ZNF750: variants seen among roughly 807,000 people sequenced by gnomAD.
The protein encoded by ZNF750 is zinc finger protein 750.
A neutral mutation model predicts 31.6 loss-of-function variants in ZNF750; 10 were observed. That is an observed-to-expected ratio of 0.32 (90% CI 0.19 to 0.54). The LOEUF (loss-of-function observed/expected upper bound fraction) is 0.54, where lower values mean the gene tolerates loss of function less well. Ranked by LOEUF, ZNF750 falls within the 20% of genes least tolerant of loss-of-function variation. The probability of loss-of-function intolerance (pLI) is 0.95; values close to 1 mark genes in which losing one functional copy is unlikely to be tolerated. For synonymous variants in ZNF750, 400 were observed against 404.9 expected (o/e 0.99, Z 0.15); for missense variants, 914 against 934.9 (o/e 0.98, Z 0.29).
Position 82,831,152 on chromosome 17 carries a change from T to C in ZNF750, c.1303A>G (p.Asn435Asp). ...CCCAGTGCGCTGGAGGCTGCCTTGT[T>C]GGAGAGGTCGTACAGGCCTTCGCAG... ...QTCEGLYDLSNKAASSALGRL... is the reference protein window; with the variant it reads ...QTCEGLYDLSDKAASSALGRL... Residue 435 changes from asparagine to aspartate, a missense_variant, in exon 2 of 3, where the codon AAC becomes GAC. Around this residue, in one of 2 missense-constraint regions of ZNF750, gnomAD observed 880 missense variants for 868.9 expected, o/e 1.01. Coordinates refer to ENST00000269394, the MANE Select transcript of ZNF750 (RefSeq NM_024702.3). This position sits in a 1 kb window ranked among gnomAD's most constrained non-coding sequence, Gnocchi z 4.6. 6.2e-7 allele frequency: 1 copy of C among 1,614,120 alleles called. No homozygotes were observed. The highest frequency in any genetic ancestry group is 8.5e-7 in the Non-Finnish European group (1 of 1,180,030).
In ZNF750 at chr17:82,831,819, A is replaced by G. The variant is rs1015040159; in HGVS notation, c.636T>C (p.Pro212=). The G allele has an allele frequency of 3.1e-6, 5 of 1,614,062 alleles. No individual in the cohort carries two copies. In the East Asian group the frequency reaches 6.7e-5, roughly 22 times the overall value. The change falls in exon 2 of 3, where the codon CCT becomes CCC. Residue 212 remains proline (P), a synonymous_variant. Transcript: ENST00000269394. The surrounding 1 kb of genome is among the most constrained non-coding windows in gnomAD (Gnocchi z 4.6). ...TATGTGGAAACTCTGGTGGAAGGAA[A>G]GGTGAGCCGGCTTTCCAGGGGTAGC... The part of the protein sequence containing the change: ...TPGYPWKAGS[P]FLPPEFPHKI...
chr17:82,832,945 G>C lies in ZNF750; in HGVS notation c.-182-309C>G, dbSNP rs1448188233. 6.6e-6 allele frequency among the ~76,000 whole-genome samples: 1 copy of C among 152,176 alleles called. No homozygotes were observed. The highest frequency in any genetic ancestry group is 1.9e-4 in the East Asian group (1 of 5,192). ...GTTCTGAGAATGCCTGTAAGCCTTTGAGTTTTGGGAACTTTCATCCTGTGA... is the reference window on the plus strand; with the variant it reads ...GTTCTGAGAATGCCTGTAAGCCTTTCAGTTTTGGGAACTTTCATCCTGTGA... On this transcript the variant is annotated intron_variant, in intron 1 of 2. Coordinates refer to ENST00000269394, the MANE Select transcript of ZNF750 (RefSeq NM_024702.3). This position sits in a 1 kb window ranked among gnomAD's most constrained non-coding sequence, Gnocchi z 4.9.
In ZNF750 at chr17:82,831,601, AG is replaced by A; in HGVS notation, c.853del (p.Leu285CysfsTer81). 1 of 1,614,200 alleles carries A rather than the reference AG, an allele frequency of 6.2e-7. No individual in the cohort carries two copies. Among genetic ancestry groups the A allele is most frequent in the Non-Finnish European group, 8.5e-7 (1 of 1,180,030 alleles). ...CTTAGGGATCGGCCCCGGGTGAGGC[AG>A]GAAGTGTCTCGGGTCTTGGGTTCCG... ...VYGTQDPRHFLPHPGPIPKHL... is the reference protein window; with the variant it reads ...VYGTQDPRHFXPHPGPIPKHL... On this transcript the variant is annotated frameshift_variant, in exon 2 of 3. Transcript: ENST00000269394. LOFTEE classifies it high-confidence loss of function. The surrounding 1 kb of genome is among the most constrained non-coding windows in gnomAD (Gnocchi z 4.6).
rs750199690 is a variant in ZNF750, at chr17:82,831,033, T to A, written c.1422A>T (p.Ala474=). The change falls in exon 2 of 3, where the codon GCA becomes GCT. Residue 474 remains alanine (A), a synonymous_variant. Transcript: ENST00000269394. The surrounding 1 kb of genome is among the most constrained non-coding windows in gnomAD (Gnocchi z 4.6). ...CLPAQAAETT[A]ESPVSLNVVN... is the part of the protein sequence containing the mutation. ...CATTTTCTTACCTTACTGGAGACTC[T>A]GCTGTGGTCTCAGCAGCCTGGGCAG... is the stretch of plus-strand genomic sequence containing the variant. 5.0e-6 allele frequency: 8 copies of A among 1,614,182 alleles called. No homozygotes were observed. In the Admixed American group the frequency reaches 1.3e-4, roughly 27 times the overall value.
rs2053324854 is a variant in ZNF750, at chr17:82,829,929, C to T, written c.*213G>A. 1 of 760,008 alleles carries T rather than the reference C, an allele frequency of 1.3e-6. No individual in the cohort carries two copies. Among genetic ancestry groups the T allele is most frequent in the Non-Finnish European group, 2.1e-6 (1 of 484,806 alleles). 47.1% of individuals were successfully genotyped at this position (760,008 alleles called of 1,614,324 possible). A position where few individuals can be genotyped will look rare whatever the true frequency, so the allele number is the denominator to read the frequency against. ...TCTTAGAGTCATTCAGGTGTTTTTACAACCAAAAGTAGAAGCACCTTTTAA... is the reference window on the plus strand; with the variant it reads ...TCTTAGAGTCATTCAGGTGTTTTTATAACCAAAAGTAGAAGCACCTTTTAA... On this transcript the variant is annotated 3_prime_UTR_variant, in exon 3 of 3. Transcript: ENST00000269394.
At position 82,831,823 on chromosome 17, in the gene ZNF750, G is replaced by A; in HGVS notation, c.632C>T (p.Ser211Leu). The part of the protein sequence containing the change: ...HTPGYPWKAG[S>L]PFLPPEFPHK... ...TGGAAACTCTGGTGGAAGGAAAGGT[G>A]AGCCGGCTTTCCAGGGGTAGCCAGG... Residue 211 changes from serine to leucine, a missense_variant, in exon 2 of 3, where the codon TCA (serine) becomes TTA (leucine). Ser to Leu is a moderately radical substitution (Grantham distance 145). Transcript: ENST00000269394. This position sits in a 1 kb window ranked among gnomAD's most constrained non-coding sequence, Gnocchi z 4.6. 1.2e-6 allele frequency: 2 copies of A among 1,614,218 alleles called. No individual in the cohort carries two copies. The highest frequency in any genetic ancestry group is 2.7e-5 in the African/African-American group (2 of 75,050).
Position 82,833,949 on chromosome 17 carries a change from T to G in ZNF750, c.-182-1313A>C, listed in dbSNP as rs943208418. 8.7e-6 allele frequency among the ~76,000 whole-genome samples: 1 copy of G among 115,444 alleles called. No individual in the cohort carries two copies. Among genetic ancestry groups the G allele is most frequent in the African/African-American group, 2.7e-5 (1 of 37,616 alleles). The allele number at this position is 115,444 out of a possible 152,430, so 75.7% of individuals were successfully genotyped here. On this transcript the variant is annotated intron_variant, in intron 1 of 2. Coordinates refer to ENST00000269394, the MANE Select transcript of ZNF750 (RefSeq NM_024702.3). This position sits in a 1 kb window ranked among gnomAD's most constrained non-coding sequence, Gnocchi z 4.7. ...CGCCCAAGGCTGAGAACAAAGGCTG[T>G]TTTTCTTTTTTTGAGACAGAGTTTC...
chr17:82,829,961 T>G lies in ZNF750; in HGVS notation c.*181A>C. ...AAGTAGAAGCACCTTTTAATATTCATGCTTAATATTTATAAAAACTGAATT... is the reference window on the plus strand; with the variant it reads ...AAGTAGAAGCACCTTTTAATATTCAGGCTTAATATTTATAAAAACTGAATT... On this transcript the variant is annotated 3_prime_UTR_variant, in exon 3 of 3. Transcript: ENST00000269394. 6 of 977,318 alleles carry G rather than the reference T, an allele frequency of 6.1e-6. No homozygotes were observed. The highest frequency in any genetic ancestry group is 8.9e-6 in the Non-Finnish European group (6 of 676,022). 60.5% of individuals were successfully genotyped at this position (977,318 alleles called of 1,614,324 possible). A position where few individuals can be genotyped will look rare whatever the true frequency, so the allele number is the denominator to read the frequency against.
chr17:82,838,961 T>G (rs746955803), intron 1 of ZNF750: 1 of 985,298 alleles, frequency 1.0e-6, no homozygotes, highest in Non-Finnish European at 1.2e-6. Flanking sequence ...CTGTGCTTGG[T>G]CAGTAATTGT....
Position 82,831,603 on chromosome 17 carries a change from G to A in ZNF750, c.852C>T (p.Phe284=). 6.2e-7 allele frequency: 1 copy of A among 1,614,204 alleles called. No homozygotes were observed. Among genetic ancestry groups the A allele is most frequent in the Non-Finnish European group, 8.5e-7 (1 of 1,180,030 alleles). The part of the protein sequence containing the change: ...SVYGTQDPRH[F]LPHPGPIPKH... ...TAGGGATCGGCCCCGGGTGAGGCAG[G>A]AAGTGTCTCGGGTCTTGGGTTCCGT... is the stretch of plus-strand genomic sequence containing the variant. The change falls in exon 2 of 3, where the codon TTC becomes TTT. Residue 284 remains phenylalanine, a synonymous_variant. Transcript: ENST00000269394. This position sits in a 1 kb window ranked among gnomAD's most constrained non-coding sequence, Gnocchi z 4.6.
In ZNF750 at chr17:82,832,657, G is replaced by A. The variant is rs894284344; in HGVS notation, c.-182-21C>T. The A allele has an allele frequency of 6.5e-6, 4 of 616,304 alleles. No individual in the cohort carries two copies. The African/African-American group carries it at 7.4e-5, about 11-fold the overall frequency. 38.2% of individuals were successfully genotyped at this position (616,304 alleles called of 1,614,324 possible). A position where few individuals can be genotyped will look rare whatever the true frequency, so the allele number is the denominator to read the frequency against. On this transcript the variant is annotated intron_variant, in intron 1 of 2. Coordinates refer to ENST00000269394, the MANE Select transcript of ZNF750 (RefSeq NM_024702.3). The surrounding 1 kb of genome is among the most constrained non-coding windows in gnomAD (Gnocchi z 4.9). ...GGGAGCTGTAATAAAGAGCAGTCTTGGTGTCAGGACAGCGAGTGAGGGGTC... is the reference window on the plus strand; with the variant it reads ...GGGAGCTGTAATAAAGAGCAGTCTTAGTGTCAGGACAGCGAGTGAGGGGTC...
At chr17:82,837,633 C>T (rs1040368954) in intron 1 of ZNF750, among the ~76,000 whole-genome samples, 5 of 152,144 alleles carry the variant, frequency 3.3e-5, no homozygotes, top group African/African-American at 1.2e-4. Context: ...GTGAAGACCT[C>T]GGTGTGATCC....
At position 82,831,105 on chromosome 17, in the gene ZNF750, T is replaced by C. The variant is rs2053466234; in HGVS notation, c.1350A>G (p.Gln450=). The C allele has an allele frequency of 6.8e-6, 11 of 1,614,208 alleles. No individual in the cohort carries two copies. Among genetic ancestry groups the C allele is most frequent in the Non-Finnish European group, 9.3e-6 (11 of 1,180,030 alleles). Residue 450 remains glutamine, a synonymous_variant, in exon 2 of 3, where the codon CAA becomes CAG. Transcript: ENST00000269394. This position sits in a 1 kb window ranked among gnomAD's most constrained non-coding sequence, Gnocchi z 4.6. ...SALGRLYPPE[Q]SLTAFRPVKK... is the part of the protein sequence containing the mutation. ...TAACAGGCCTGAAGGCTGTGAGGCT[T>C]TGCTCTGGCGGGTAGAGTCTTCCCA...
chr17:82,836,057 G>A (rs753898540), intron 1 of ZNF750, among the ~76,000 whole-genome samples: 7 of 152,212 alleles, frequency 4.6e-5, no homozygotes, highest in African/African-American at 9.7e-5. Flanking sequence ...AATGAAACAC[G>A]TAATGATAGC....
rs990112487 is a variant in ZNF750, at chr17:82,835,695, G to C, written c.-182-3059C>G. Among the ~76,000 whole-genome samples the C allele has an allele frequency of 2.0e-5, 3 of 152,144 alleles. No homozygotes were observed. Among genetic ancestry groups the C allele is most frequent in the Non-Finnish European group, 4.4e-5 (3 of 68,010 alleles). On this transcript the variant is annotated intron_variant, in intron 1 of 2. Coordinates refer to ENST00000269394, the MANE Select transcript of ZNF750 (RefSeq NM_024702.3). This position sits in a 1 kb window ranked among gnomAD's most constrained non-coding sequence, Gnocchi z 4.5. ...CCGCCTCAGCCTCCCAAAGTGCTGGGATTACAGGCATGAGCCACCGTGCCT... is the reference window on the plus strand; with the variant it reads ...CCGCCTCAGCCTCCCAAAGTGCTGGCATTACAGGCATGAGCCACCGTGCCT...
In ZNF750 at chr17:82,831,370, G is replaced by A; in HGVS notation, c.1085C>T (p.Pro362Leu). The A allele has an allele frequency of 6.2e-7, 1 of 1,614,156 alleles. No individual in the cohort carries two copies. Among genetic ancestry groups the A allele is most frequent in the Non-Finnish European group, 8.5e-7 (1 of 1,180,042 alleles). Residue 362 changes from proline (P) to leucine (L), a missense_variant, in exon 2 of 3, where the codon CCT becomes CTT. Around this residue, in one of 2 missense-constraint regions of ZNF750, gnomAD observed 880 missense variants for 868.9 expected, o/e 1.01. Coordinates refer to ENST00000269394, the MANE Select transcript of ZNF750 (RefSeq NM_024702.3). The surrounding 1 kb of genome is among the most constrained non-coding windows in gnomAD (Gnocchi z 4.6). The part of the protein sequence containing the change: ...EATLVYPASS[P>L]SRLNPSDPNR... ...GGGGTCCGAAGGGTTTAACCTGGAA[G>A]GACTCGAGGCTGGATAGACCAGGGT... is the stretch of plus-strand genomic sequence containing the variant.
At chr17:82,836,739 C>T (rs1309094644) in intron 1 of ZNF750, among the ~76,000 whole-genome samples, 1 of 151,846 alleles carries the variant, frequency 6.6e-6, no homozygotes, top group Non-Finnish European at 1.5e-5. Context: ...ACAAAAAAAC[C>T]CACAAAACCC....
rs2053493741 is a variant in ZNF750, at chr17:82,831,358, T to G, written c.1097A>C (p.Asn366Thr). The G allele has an allele frequency of 6.2e-7, 1 of 1,614,018 alleles. No individual in the cohort carries two copies. The highest frequency in any genetic ancestry group is 8.5e-7 in the Non-Finnish European group (1 of 1,179,998). ...GTGTTTTCTGTTGGGGTCCGAAGGG[T>G]TTAACCTGGAAGGACTCGAGGCTGG... ...VYPASSPSRLNPSDPNRKHVE... is the reference protein window; with the variant it reads ...VYPASSPSRLTPSDPNRKHVE... The change falls in exon 2 of 3, where the codon AAC becomes ACC. Residue 366 changes from asparagine to threonine, a missense_variant. Around this residue, in one of 2 missense-constraint regions of ZNF750, gnomAD observed 880 missense variants for 868.9 expected, o/e 1.01. Transcript: ENST00000269394. The surrounding 1 kb of genome is among the most constrained non-coding windows in gnomAD (Gnocchi z 4.6).
chr17:82,839,075 A>T (rs1030497788), intron 1 of ZNF750: 1 of 752,436 alleles, frequency 1.3e-6, no homozygotes, highest in Non-Finnish European at 1.6e-6. Context: ...CAGAAACTTA[A>T]CCCCTTTGGT....
Sources: allele counts gnomAD v4.1 joint callset (sites outside exome capture counted in the v4.1 genomes callset), GRCh38; gene constraint gnomAD v4.1.1; regional missense constraint gnomAD v4.1.1; non-coding constraint Gnocchi (gnomAD v3.1); transcripts MANE v1.5; gene names NCBI Gene and HGNC (gene_info 2026-07-23, HGNC 2026-07-21).